The following FANCM variants were observed in gnomAD, a reference collection of about 807,000 sequenced individuals.
FANCM encodes the protein FA complementation group M.
A neutral mutation model predicts 199.5 loss-of-function variants in FANCM; 140 were observed. The observed-to-expected ratio is 0.70, with a 90% CI of 0.61 to 0.81. The LOEUF (loss-of-function observed/expected upper bound fraction) is 0.81, where lower values mean the gene tolerates loss of function less well. Ranked by LOEUF, FANCM falls within the 30% of genes least tolerant of loss-of-function variation. FANCM has a pLI of 0.00. For synonymous variants in FANCM, 840 were observed against 836.8 expected (o/e 1.00, Z -0.07); for missense variants, 2,410 against 2,421.4 (o/e 1.00, Z 0.10).
At chr14:45,142,888 C>T (rs1458124751) in intron 3 of FANCM, among the ~76,000 whole-genome samples, 1 of 151,972 alleles carries the variant, frequency 6.6e-6, no homozygotes, top group Non-Finnish European at 1.5e-5. Context: ...CTGTTATTCC[C>T]TTTGTAATTA....
At chr14:45,145,265 G>C (rs922991091) in intron 3 of FANCM, among the ~76,000 whole-genome samples, 13 of 151,480 alleles carry the variant, frequency 8.6e-5, no homozygotes, top group Non-Finnish European at 1.9e-4. Flanking sequence ...AGTCACTTTC[G>C]TTTATGTGAG....
In FANCM at chr14:45,175,998, G is replaced by T. The variant is rs2139246974; in HGVS notation, c.3244G>T (p.Asp1082Tyr). The part of the protein sequence containing the change: ...DNISDEPSLC[D>Y]CDVHKHNQNE... ...TATTTCTGATGAGCCAAGTCTCTGT[G>T]ACTGTGATGTACATAAACATAATCA... is the stretch of plus-strand genomic sequence containing the variant. Residue 1082 changes from aspartate (D) to tyrosine (Y), a missense_variant, in exon 14 of 23, where the codon GAC becomes TAC. Coordinates refer to ENST00000267430, the MANE Select transcript of FANCM (RefSeq NM_020937.4). The T allele has an allele frequency of 6.2e-7, 1 of 1,613,702 alleles. No homozygotes were observed. The highest frequency in any genetic ancestry group is 1.1e-5 in the South Asian group (1 of 91,036).
At chr14:45,199,052 C>T in intron 22 of FANCM, 117 bp downstream of exon 22, 1 of 763,544 alleles carries the variant, frequency 1.3e-6, no homozygotes, top group Non-Finnish European at 2.1e-6. Context: ...TTATTTTATT[C>T]AGTAAACATT....
intron 21 of FANCM, among the ~76,000 whole-genome samples, chr14:45,197,976 C>T (rs755173079): frequency 8.6e-5 from 13 of 150,748 alleles, no homozygotes; most frequent in Admixed American, 4.0e-4. Flanking sequence ...ACCATGTTGG[C>T]CAGGATGGTC....
At position 45,153,984 on chromosome 14, in the gene FANCM, A is replaced by G. The variant is rs762845761; in HGVS notation, c.1115A>G (p.Glu372Gly). Reference sequence around the variant, plus strand: ...TGTATTAGTTTATATCATGGTTATGAATTATTGCAGCAAATGGGAATGAGA... The same window carrying G: ...TGTATTAGTTTATATCATGGTTATGGATTATTGCAGCAAATGGGAATGAGA... ...AICISLYHGY[E>G]LLQQMGMRSL... Residue 372 changes from glutamate to glycine, a missense_variant, in exon 6 of 23, where the codon GAA becomes GGA. Transcript: ENST00000267430. The G allele has an allele frequency of 5.6e-6, 9 of 1,596,166 alleles. No homozygotes were observed. The highest frequency in any genetic ancestry group is 6.0e-6 in the Non-Finnish European group (7 of 1,163,920).
chr14:45,174,585 A>G (rs1888543358), intron 13 of FANCM, among the ~76,000 whole-genome samples: 1 of 152,192 alleles, frequency 6.6e-6, no homozygotes, highest in Non-Finnish European at 1.5e-5. Flanking sequence ...AAATAGAAGT[A>G]TATTCCAGGA....
chr14:45,195,609 C>G lies in FANCM; in HGVS notation c.5341-563C>G, dbSNP rs1334001650. On this transcript the variant is annotated intron_variant, in intron 20 of 22. Transcript: ENST00000267430. ...GGGTATGTTCTGACTTAAGTAACTTCCAAAATTCTCACTTCCATGTTGTTT... is the reference window on the plus strand; with the variant it reads ...GGGTATGTTCTGACTTAAGTAACTTGCAAAATTCTCACTTCCATGTTGTTT... 1.1e-5 allele frequency: 5 copies of G among 453,028 alleles called. No homozygotes were observed. In the East Asian group the frequency reaches 3.5e-4, roughly 32 times the overall value. 28.1% of individuals were successfully genotyped at this position (453,028 alleles called of 1,614,324 possible).
chr14:45,186,133 A>G (rs1889387146), intron 18 of FANCM, among the ~76,000 whole-genome samples: 1 of 152,132 alleles, frequency 6.6e-6, no homozygotes, highest in South Asian at 2.1e-4. Flanking sequence ...GCCTCAAGCA[A>G]TCCTCTCACC....
At chr14:45,172,905 TTC>T in intron 12 of FANCM, 148 bp from the exon 13 acceptor site, 1 of 629,462 alleles carries the variant, frequency 1.6e-6, no homozygotes, top group South Asian at 1.9e-5. Context: ...TGAAATTATT[TTC>T]TTTTTTTCTT....
At chr14:45,141,513 T>G in intron 3 of FANCM, among the ~76,000 whole-genome samples, 1 of 58,654 alleles carries the variant, frequency 1.7e-5, no homozygotes. Context: ...CTCCTCCCCC[T>G]CCCCTCCCCT....
chr14:45,153,768 C>A, intron 5 of FANCM, 152 bp from the exon 6 acceptor site: 1 of 677,374 alleles, frequency 1.5e-6, no homozygotes, highest in Non-Finnish European at 2.7e-6. Context: ...ATTTAATAAC[C>A]AATCGGTTAT....
chr14:45,190,219 G>A (rs990641875), intron 20 of FANCM, among the ~76,000 whole-genome samples: 2 of 152,028 alleles, frequency 1.3e-5, no homozygotes, highest in African/African-American at 4.8e-5. Flanking sequence ...TATAGTTACA[G>A]TAATTTTGCT....
Position 45,176,932 on chromosome 14 carries a change from G to A in FANCM, c.4178G>A (p.Ser1393Asn). The A allele has an allele frequency of 1.2e-6, 2 of 1,610,110 alleles. No homozygotes were observed. Among genetic ancestry groups the A allele is most frequent in the Non-Finnish European group, 1.7e-6 (2 of 1,176,870 alleles). ...YSEFSLEKSK[S>N]SGPMYLHKSC... is the part of the protein sequence containing the mutation. The stretch of plus-strand genomic sequence containing the variant: ...GAATTTTCTCTAGAAAAGTCTAAAA[G>A]CAGTGGTCCAATGTATCTGCATAAA... Residue 1393 changes from serine (S) to asparagine (N), a missense_variant, in exon 14 of 23, where the codon AGC (serine) becomes AAC (asparagine). Physicochemically the swap from Ser to Asn is conservative, Grantham distance 46. Transcript: ENST00000267430.
At position 45,151,448 on chromosome 14, in the gene FANCM, A is replaced by AG; in HGVS notation, c.973dup (p.Asp325GlyfsTer18). The AG allele has an allele frequency of 6.2e-7, 1 of 1,612,726 alleles. No homozygotes were observed. The highest frequency in any genetic ancestry group is 8.5e-7 in the Non-Finnish European group (1 of 1,178,782). On this transcript the variant is annotated frameshift_variant, in exon 5 of 23. Coordinates refer to ENST00000267430, the MANE Select transcript of FANCM (RefSeq NM_020937.4). LOFTEE classifies it high-confidence loss of function. ...GATTCAGAGGAATGTTTTGATGAGA[A>AG]GGGATATCCCAAATCTAACAAAATA...
chr14:45,147,839 C>G (rs1050698346), intron 3 of FANCM, among the ~76,000 whole-genome samples: 1 of 145,448 alleles, frequency 6.9e-6, no homozygotes, highest in Admixed American at 6.8e-5. Flanking sequence ...GTTGCAATAA[C>G]CTGAGATAGA....
chr14:45,170,124 A>C (rs1888244873), intron 11 of FANCM, among the ~76,000 whole-genome samples: 1 of 152,238 alleles, frequency 6.6e-6, no homozygotes, highest in Non-Finnish European at 1.5e-5. Flanking sequence ...CAGGACTGAG[A>C]GCCAAGGTAC....
intron 20 of FANCM, among the ~76,000 whole-genome samples, chr14:45,191,675 A>G (rs1889774583): frequency 6.6e-6 from 1 of 152,240 alleles, no homozygotes; most frequent in African/African-American, 2.4e-5. Flanking sequence ...CTGTTATTGA[A>G]TAAAATTACA....
In FANCM at chr14:45,148,731, T is replaced by G. The variant is rs138835899; in HGVS notation, c.760-106T>G. The G allele has an allele frequency of 9.2e-4, 658 of 714,518 alleles. 9 individuals carry two copies. The East Asian group carries it at 0.017, about 18-fold the overall frequency. 44.3% of individuals were successfully genotyped at this position (714,518 alleles called of 1,614,324 possible). Reference sequence around the variant, plus strand: ...TTTTTGTTACTTAATGATATAAATTTCTGGTGCTTCTTTCAAAATTTTACT... The same window carrying G: ...TTTTTGTTACTTAATGATATAAATTGCTGGTGCTTCTTTCAAAATTTTACT... On this transcript the variant is annotated intron_variant, in intron 3 of 22. Transcript: ENST00000267430.
In FANCM at chr14:45,136,131, A is replaced by T. The variant is rs771643173; in HGVS notation, c.100A>T (p.Ser34Cys). 1 of 1,614,142 alleles carries T rather than the reference A, an allele frequency of 6.2e-7. No homozygotes were observed. Among genetic ancestry groups the T allele is most frequent in the African/African-American group, 1.3e-5 (1 of 75,042 alleles). The change falls in exon 1 of 23, where the codon AGC (serine) becomes TGC (cysteine). Residue 34 changes from serine (S) to cysteine (C), a missense_variant. Ser to Cys is a moderately radical substitution (Grantham distance 112, BLOSUM62 -1). Coordinates refer to ENST00000267430, the MANE Select transcript of FANCM (RefSeq NM_020937.4). ...GCSSGTERPQ[S>C]PGSSKAPLPA... is the part of the protein sequence containing the mutation. ...CAGCTCCGGAACTGAGCGACCTCAG[A>T]GCCCTGGCAGCTCCAAGGCGCCTTT...
Sources: gnomAD v4.1 joint callset for allele counts (sites outside exome capture counted in the v4.1 genomes callset) on GRCh38, gnomAD v4.1.1 for gene constraint, MANE v1.5 for transcripts, NCBI Gene and HGNC (gene_info 2026-07-23, HGNC 2026-07-21) for gene names.